TENM2: variants seen among roughly 807,000 people sequenced by gnomAD.
TENM2 encodes the protein teneurin transmembrane protein 2.
TENM2 carries 52 observed loss-of-function variants against 245.2 expected under a neutral mutation model. The observed-to-expected ratio is 0.21, with a 90% CI of 0.17 to 0.27. The LOEUF (loss-of-function observed/expected upper bound fraction) is 0.27, where lower values mean the gene tolerates loss of function less well. Among genes scored for constraint, TENM2 ranks in the 10% least tolerant of loss-of-function variants. TENM2 has a pLI of 1.00. For missense variants in TENM2, 3,046 were observed against 3,666.8 expected (o/e 0.83, Z 4.37); for synonymous variants, 1,363 against 1,438.9 (o/e 0.95, Z 1.19).
At chr5:167,656,033 A>G (rs78008607) in intron 2 of TENM2, among the ~76,000 whole-genome samples, 2,183 of 152,272 alleles carry the variant, frequency 0.014, 51 homozygotes, top group African/African-American at 0.05. Context: ...CTTGTATATT[A>G]TACAGCTAAT....
chr5:167,749,947 C>T (rs1435097320), intron 2 of TENM2, among the ~76,000 whole-genome samples: 1 of 152,092 alleles, frequency 6.6e-6, no homozygotes, highest in Non-Finnish European at 1.5e-5. Context: ...GGCTACATTG[C>T]CTATTCTGAT....
chr5:167,036,778 AGCTGTCCT>A, the TENM2 span, among the ~76,000 whole-genome samples: 1 of 152,182 alleles, frequency 6.6e-6, no homozygotes, highest in Non-Finnish European at 1.5e-5. Flanking sequence ...ATTTGCTTTT[AGCTGTCCT>A]GCTTTCCAAG....
chr5:168,185,972 TTATATA>T (rs1213986912), intron 13 of TENM2: 1 of 5,798 alleles, frequency 1.7e-4, no homozygotes, highest in African/African-American at 1.1e-3. Context: ...ATATTTGAAT[TTATATA>T]TATATATATA....
the TENM2 span, among the ~76,000 whole-genome samples, chr5:167,102,096 C>T: frequency 6.6e-6 from 1 of 150,392 alleles, no homozygotes; most frequent in Non-Finnish European, 1.5e-5. Flanking sequence ...TGTGGTGGCA[C>T]GTGGCTGTAA....
intron 4 of TENM2, among the ~76,000 whole-genome samples, chr5:167,972,255 T>C (rs763987685): frequency 3.9e-5 from 6 of 152,226 alleles, no homozygotes; most frequent in Non-Finnish European, 8.8e-5. Flanking sequence ...ATTTTAGGCT[T>C]TCAAAAATGC....
intron 2 of TENM2, among the ~76,000 whole-genome samples, chr5:167,445,333 A>AGGGAGAGG (rs1465074088): frequency 1.3e-5 from 1 of 76,048 alleles, no homozygotes; most frequent in Non-Finnish European, 2.4e-5. Context: ...ATATATATAT[A>AGGGAGAGG]TATAGAGAGA....
chr5:167,448,144 C>T (rs559535561), intron 2 of TENM2, among the ~76,000 whole-genome samples: 16 of 152,242 alleles, frequency 1.1e-4, no homozygotes, highest in Admixed American at 8.5e-4. Context: ...ATGGCAAAAT[C>T]GCTGCTTATA....
intron 2 of TENM2, among the ~76,000 whole-genome samples, chr5:167,482,464 T>C (rs1767814574): frequency 6.6e-6 from 1 of 152,206 alleles, no homozygotes; most frequent in African/African-American, 2.4e-5. Context: ...AAAAAAATTA[T>C]GCTGACTAAT....
chr5:167,948,087 G>T (rs930150430), intron 3 of TENM2, among the ~76,000 whole-genome samples: 1 of 152,154 alleles, frequency 6.6e-6, no homozygotes, highest in Non-Finnish European at 1.5e-5. Context: ...CTTCCTTAGA[G>T]CCCCTGAAAG....
At chr5:167,627,009 A>G (rs1348270582) in intron 2 of TENM2, among the ~76,000 whole-genome samples, 1 of 152,238 alleles carries the variant, frequency 6.6e-6, no homozygotes. Flanking sequence ...CCAAGGGAGC[A>G]TAACAATGAC....
intron 5 of TENM2, among the ~76,000 whole-genome samples, chr5:167,994,796 GCTTCT>G (rs1783930335): frequency 6.6e-6 from 1 of 152,132 alleles, no homozygotes; most frequent in Non-Finnish European, 1.5e-5. Context: ...AGTCATGTCT[GCTTCT>G]CACTTACCTC....
At chr5:167,996,425 T>G (rs1483094332) in intron 5 of TENM2, among the ~76,000 whole-genome samples, 1 of 152,160 alleles carries the variant, frequency 6.6e-6, no homozygotes, top group African/African-American at 2.4e-5. Flanking sequence ...TGTGCATCAC[T>G]CAGGCCCTGG....
rs150826052 is a variant in TENM2 at position 167,649,522 on chromosome 5, A to AACAC, written c.503-226452_503-226449dup. Among the ~76,000 whole-genome samples the AACAC allele has an allele frequency of 7.9e-5, 12 of 152,066 alleles. No individual in the cohort carries two copies. In the East Asian group the frequency reaches 9.6e-4, roughly 12 times the overall value. The stretch of plus-strand genomic sequence containing the variant: ...AATTTTCAGTGCTCAGAAAAAGAAA[A>AACAC]ACACACACACACACAGAAGTCTTTT... On this transcript the variant is annotated intron_variant, in intron 2 of 28. Coordinates refer to ENST00000518659, the Ensembl canonical transcript of TENM2.
intron 2 of TENM2, among the ~76,000 whole-genome samples, chr5:167,762,955 T>C (rs1323358224): frequency 6.6e-6 from 1 of 152,232 alleles, no homozygotes; most frequent in Non-Finnish European, 1.5e-5. Context: ...AGACTTTTTT[T>C]CCCACCCTTT....
intron 23 of TENM2, among the ~76,000 whole-genome samples, chr5:168,221,862 T>C (rs957898239): frequency 1.3e-5 from 2 of 152,232 alleles, no homozygotes; most frequent in African/African-American, 4.8e-5. Context: ...AGTCCATCTC[T>C]GCCACATGCT....
At chr5:167,261,735 T>C in the TENM2 span, among the ~76,000 whole-genome samples, 1 of 152,348 alleles carries the variant, frequency 6.6e-6, no homozygotes, top group South Asian at 2.1e-4. Flanking sequence ...CACAGGGATC[T>C]TTTCCTTGAT....
At chr5:168,221,563 G>C (rs2152568829) in intron 23 of TENM2, among the ~76,000 whole-genome samples, 1 of 152,282 alleles carries the variant, frequency 6.6e-6, no homozygotes, top group East Asian at 1.9e-4. Flanking sequence ...AACTCAATAA[G>C]ACCAGCCTAT....
At position 167,926,816 on chromosome 5, in the gene TENM2, G is replaced by A. The variant is rs549900541; in HGVS notation, c.713-25772G>A. ...TTTTCTGTATGTTGACTGTGTCGAC[G>A]TCAATTCCTTAGTTGTGATACTATG... On this transcript the variant is annotated intron_variant, in intron 3 of 28. Transcript: ENST00000518659. Among the ~76,000 whole-genome samples the A allele has an allele frequency of 1.3e-4, 19 of 151,674 alleles. No individual in the cohort carries two copies. The South Asian group carries it at 2.1e-3, about 17-fold the overall frequency.
chr5:167,777,615 A>T (rs1763901299), intron 2 of TENM2, among the ~76,000 whole-genome samples: 1 of 152,212 alleles, frequency 6.6e-6, no homozygotes, highest in African/African-American at 2.4e-5. Flanking sequence ...CCCCGTTTGT[A>T]TAACTGCAAA....
Sources: gnomAD v4.1 joint callset for allele counts (sites outside exome capture counted in the v4.1 genomes callset) on GRCh38, gnomAD v4.1.1 for gene constraint, MANE v1.5 for transcripts, NCBI Gene and HGNC (gene_info 2026-07-23, HGNC 2026-07-21) for gene names.